ADGRL4: variants seen among roughly 807,000 people sequenced by gnomAD.
ADGRL4 encodes adhesion G protein-coupled receptor L4, also known as EGF, latrophilin and seven transmembrane domain containing 1.
Under a neutral mutation model 74.8 loss-of-function variants are expected in ADGRL4, and 90 were observed. The observed-to-expected ratio is 1.20, with a 90% CI of 1.02 to 1.43. The LOEUF is 1.43. Among genes scored for constraint, ADGRL4 ranks in the 40% most tolerant of loss-of-function variants. The pLI, the probability that ADGRL4 is intolerant of heterozygous loss-of-function variation, is 0.00. For missense variants in ADGRL4, 881 were observed against 814.3 expected (o/e 1.08, Z -1.00); for synonymous variants, 311 against 279.2 (o/e 1.11, Z -1.14).
intron 7 of ADGRL4, among the ~76,000 whole-genome samples, chr1:78,931,296 A>C (rs1274867033): frequency 6.6e-6 from 1 of 151,440 alleles, no homozygotes; most frequent in African/African-American, 2.5e-5. Context: ...TTAAGAAAAG[A>C]ATTTTCAACC....
chr1:78,939,084 A>G (rs942978840), intron 4 of ADGRL4, 104 bp downstream of exon 4: 3 of 1,345,188 alleles, frequency 2.2e-6, no homozygotes, highest in Admixed American at 3.6e-5. Context: ...GACTCTCCCT[A>G]AAGTTTGACT....
At chr1:78,955,301 G>T (rs994166762) in intron 2 of ADGRL4, among the ~76,000 whole-genome samples, 2 of 152,020 alleles carry the variant, frequency 1.3e-5, no homozygotes, top group Non-Finnish European at 2.9e-5. Flanking sequence ...TTGTAGATTT[G>T]CAAGAGGCTT....
chr1:78,903,606 T>C (rs548577240), intron 12 of ADGRL4, among the ~76,000 whole-genome samples: 34 of 152,112 alleles, frequency 2.2e-4, no homozygotes, highest in Non-Finnish European at 4.6e-4. Flanking sequence ...TTTCTAGTAA[T>C]GTTTTCTACT....
chr1:78,992,889 T>A (rs1650636341), intron 2 of ADGRL4, among the ~76,000 whole-genome samples: 1 of 152,128 alleles, frequency 6.6e-6, no homozygotes, highest in South Asian at 2.1e-4. Flanking sequence ...GACCAATTGA[T>A]GTTTGATGGT....
intron 3 of ADGRL4, among the ~76,000 whole-genome samples, chr1:78,942,538 T>C (rs1270053458): frequency 6.6e-6 from 1 of 152,218 alleles, no homozygotes; most frequent in East Asian, 1.9e-4. Flanking sequence ...GATTTACTGA[T>C]TGACCCACTT....
At chr1:78,976,616 A>G (rs547959458) in intron 2 of ADGRL4, among the ~76,000 whole-genome samples, 17 of 151,808 alleles carry the variant, frequency 1.1e-4, no homozygotes, top group African/African-American at 4.1e-4. Context: ...TTGATTGTGT[A>G]TGGAAAAACT....
chr1:78,937,932 T>G lies in ADGRL4; in HGVS notation c.635A>C (p.Lys212Thr). The change falls in exon 6 of 15, where the codon AAG becomes ACG. Residue 212 changes from lysine to threonine, a missense_variant. By Grantham distance (78) the Lys-to-Thr change is moderately conservative. Transcript: ENST00000370742. ...VQRDTFVVWDKLSVNHRRTHL... is the reference protein window; with the variant it reads ...VQRDTFVVWDTLSVNHRRTHL... ...TGTTCTCCTATGATTCACAGATAAC[T>G]TGTCCCAAACTACAAATGTATCCCT... is the stretch of plus-strand genomic sequence containing the variant. 6.2e-7 allele frequency: 1 copy of G among 1,613,964 alleles called. No homozygotes were observed. Among genetic ancestry groups the G allele is most frequent in the Non-Finnish European group, 8.5e-7 (1 of 1,179,932 alleles).
rs367564733 is a variant in ADGRL4 at position 79,006,663 on chromosome 1, G to A, written c.-9C>T. On this transcript the variant is annotated 5_prime_UTR_variant, in exon 1 of 15. Coordinates refer to ENST00000370742, the MANE Select transcript of ADGRL4 (RefSeq NM_022159.4). ...AGCGGGAGGCGTTTCATTGGCGGTGGCCGCAGTGGTGGCGGTGGCGGAGAG... is the reference window on the plus strand; with the variant it reads ...AGCGGGAGGCGTTTCATTGGCGGTGACCGCAGTGGTGGCGGTGGCGGAGAG... 1 of 1,499,158 alleles carries A rather than the reference G, an allele frequency of 6.7e-7. No individual in the cohort carries two copies. The highest frequency in any genetic ancestry group is 1.3e-5 in the South Asian group (1 of 77,800). 92.9% of individuals were successfully genotyped at this position (1,499,158 alleles called of 1,614,324 possible).
rs143901569 is a variant in ADGRL4 at position 78,890,903 on chromosome 1, A to G, written c.*251T>C. On this transcript the variant is annotated 3_prime_UTR_variant, in exon 15 of 15. Transcript: ENST00000370742. Reference sequence around the variant, plus strand: ...TGATATCACTCCTGAGAAACCAATTACTTTCCAAATATCTGCAATACTATT... The same window carrying G: ...TGATATCACTCCTGAGAAACCAATTGCTTTCCAAATATCTGCAATACTATT... The G allele has an allele frequency of 1.1e-3, 496 of 460,958 alleles. 4 individuals are homozygous for G. The highest frequency in any genetic ancestry group is 9.2e-3 in the African/African-American group (461 of 50,292). 28.6% of individuals were successfully genotyped at this position (460,958 alleles called of 1,614,324 possible).
chr1:78,891,151 T>C lies in ADGRL4; in HGVS notation c.*3A>G. The C allele has an allele frequency of 6.2e-7, 1 of 1,611,690 alleles. No individual in the cohort carries two copies. The highest frequency in any genetic ancestry group is 8.5e-7 in the Non-Finnish European group (1 of 1,178,430). On this transcript the variant is annotated 3_prime_UTR_variant, in exon 15 of 15. Transcript: ENST00000370742. The stretch of plus-strand genomic sequence containing the variant: ...AGTTGTAATTATCCACCATTCTCTA[T>C]GTTTACCTTAAACATCCAAAACAAC...
chr1:78,999,084 A>G (rs1415782402), intron 2 of ADGRL4, among the ~76,000 whole-genome samples: 2 of 152,224 alleles, frequency 1.3e-5, no homozygotes, highest in Non-Finnish European at 2.9e-5. Flanking sequence ...GGGAACACAG[A>G]TAAGTACAAG....
chr1:78,921,689 G>C lies in ADGRL4; in HGVS notation c.1181C>G (p.Ser394Ter). The C allele has an allele frequency of 6.2e-7, 1 of 1,603,750 alleles. No individual in the cohort carries two copies. The highest frequency in any genetic ancestry group is 8.5e-7 in the Non-Finnish European group (1 of 1,175,144). ...GCGGCATGAGGTGTGGGTCTCATTT[G>C]AGTATGTCAGCTCACAGCCCTCTGA... The part of the protein sequence containing the change: ...WSSEGCELTY[S>*]NETHTSCRCN... The change falls in exon 9 of 15, where the codon TCA (serine) becomes TGA (stop). Residue 394 changes from serine to a stop codon, truncating the protein, a stop_gained. Transcript: ENST00000370742. LOFTEE classifies it high-confidence loss of function.
At chr1:78,956,286 C>T (rs527762233) in intron 2 of ADGRL4, among the ~76,000 whole-genome samples, 31 of 152,248 alleles carry the variant, frequency 2.0e-4, no homozygotes, top group African/African-American at 6.7e-4. Context: ...TTTAAGCTGT[C>T]GGATACATGT....
intron 12 of ADGRL4, among the ~76,000 whole-genome samples, chr1:78,916,230 C>A (rs190140232): frequency 6.6e-6 from 1 of 151,802 alleles, no homozygotes; most frequent in Non-Finnish European, 1.5e-5. Context: ...GAGAAGTATG[C>A]TCCTGTTTTT....
chr1:78,922,637 T>C (rs991934454), intron 8 of ADGRL4, among the ~76,000 whole-genome samples: 2 of 152,030 alleles, frequency 1.3e-5, no homozygotes, highest in East Asian at 1.9e-4. Context: ...TTTAGTTATA[T>C]AACAATTTAC....
intron 13 of ADGRL4, 39 bp downstream of exon 13, chr1:78,893,057 CCA>C (rs1648318532): frequency 4.0e-6 from 3 of 756,262 alleles, no homozygotes; most frequent in East Asian, 3.0e-5. Context: ...CTTTTAATTA[CCA>C]AAAAAAAAAA....
chr1:78,969,607 G>T (rs1464183272), intron 2 of ADGRL4, among the ~76,000 whole-genome samples: 1 of 152,012 alleles, frequency 6.6e-6, no homozygotes. Context: ...AAGGTGTGAG[G>T]AAATAGTTAC....
chr1:78,972,489 TAA>T (rs1042863955), intron 2 of ADGRL4, among the ~76,000 whole-genome samples: 13 of 152,330 alleles, frequency 8.5e-5, no homozygotes, highest in Middle Eastern at 6.8e-3. Context: ...CCATAAAATA[TAA>T]GAGGCAATGG....
intron 2 of ADGRL4, among the ~76,000 whole-genome samples, chr1:78,994,304 T>C (rs1455890097): frequency 6.6e-6 from 1 of 152,202 alleles, no homozygotes; most frequent in Non-Finnish European, 1.5e-5. Context: ...GTAATCCCAT[T>C]TCAGCCTTAT....
Sources: gnomAD v4.1 joint callset for allele counts (sites outside exome capture counted in the v4.1 genomes callset) on GRCh38, gnomAD v4.1.1 for gene constraint, MANE v1.5 for transcripts, NCBI Gene and HGNC (gene_info 2026-07-23, HGNC 2026-07-21) for gene names.